MMEL1: variants seen among roughly 807,000 people sequenced by gnomAD.
MMEL1 encodes membrane metallo-endopeptidase-like 1.
MMEL1 carries 98 observed loss-of-function variants against 117.1 expected under a neutral mutation model. That is an observed-to-expected ratio of 0.84 (90% CI 0.71 to 0.99). The LOEUF (loss-of-function observed/expected upper bound fraction) is 0.99. Ranked by LOEUF, MMEL1 falls within the 50% of genes least tolerant of loss-of-function variation. The pLI is 0.00. For missense variants in MMEL1, 1,014 were observed against 1,049.1 expected (o/e 0.97, Z 0.46); for synonymous variants, 390 against 415.1 (o/e 0.94, Z 0.74).
rs752227253 is a variant in MMEL1 at position 2,591,557 on chromosome 1, C to T, written c.2240G>A (p.Arg747Lys). The T allele has an allele frequency of 2.5e-6, 4 of 1,613,518 alleles. No individual in the cohort carries two copies. The highest frequency in any genetic ancestry group is 1.3e-5 in the African/African-American group (1 of 74,830). ...GGGGTTGTGAGCATGGGAGACTTGC[C>T]TGTACTTCAGGGGACTGTGGACGTC... ...KTDVHSPLKY[R>K]VLGSLQNLAA... The change falls in exon 23 of 24, where the codon AGG (arginine) becomes AAG (lysine). Residue 747 changes from arginine (R) to lysine (K), a missense_variant and splice_region_variant. By Grantham distance (26) the Arg-to-Lys change is conservative. Coordinates refer to ENST00000378412, the MANE Select transcript of MMEL1 (RefSeq NM_033467.4).
intron 6 of MMEL1, among the ~76,000 whole-genome samples, chr1:2,608,536 CACAT>C (rs1314932578): frequency 2.4e-5 from 3 of 124,750 alleles, no homozygotes; most frequent in Non-Finnish European, 4.9e-5. Context: ...TACACATACA[CACAT>C]ACACATACAC....
rs1644834035 is a variant in MMEL1 at position 2,596,067 on chromosome 1, T to TCC, written c.1440_1441dup (p.Glu481GlyfsTer23). The TCC allele has an allele frequency of 1.2e-6, 2 of 1,613,896 alleles. No homozygotes were observed. The highest frequency in any genetic ancestry group is 1.7e-6 in the Non-Finnish European group (2 of 1,179,958). ...CATCCAGCCCAGCTCGTCCAGCGTC[T>TCC]CCACAAACACTGTCCGCACCTTGTC... On this transcript the variant is annotated frameshift_variant, in exon 15 of 24. Coordinates refer to ENST00000378412, the MANE Select transcript of MMEL1 (RefSeq NM_033467.4). LOFTEE classifies it high-confidence loss of function.
intron 11 of MMEL1, among the ~76,000 whole-genome samples, chr1:2,602,430 C>T (rs543243144): frequency 1.3e-5 from 2 of 152,024 alleles, no homozygotes; most frequent in African/African-American, 4.8e-5. Context: ...GCCATCTGAG[C>T]TCTCTCACTT....
intron 11 of MMEL1, among the ~76,000 whole-genome samples, chr1:2,601,248 A>G (rs1170318142): frequency 6.6e-6 from 1 of 152,206 alleles, no homozygotes; most frequent in African/African-American, 2.4e-5. Flanking sequence ...TATCACTTGG[A>G]TAGATAAAGA....
chr1:2,604,043 G>T, intron 10 of MMEL1, 70 bp from the exon 11 acceptor site: 1 of 1,588,162 alleles, frequency 6.3e-7, no homozygotes, highest in Non-Finnish European at 8.6e-7. Context: ...CCCAGTCCCT[G>T]CCTGCTACCG....
chr1:2,605,534 G>A (rs1229522612), intron 9 of MMEL1, 24 bp downstream of exon 9: 7 of 1,603,590 alleles, frequency 4.4e-6, no homozygotes, highest in South Asian at 1.1e-5. Flanking sequence ...GGGTCATCTG[G>A]CATTGCGGTG....
At chr1:2,602,375 C>T (rs374198895) in intron 11 of MMEL1, among the ~76,000 whole-genome samples, 7 of 152,174 alleles carry the variant, frequency 4.6e-5, no homozygotes, top group African/African-American at 7.2e-5. Flanking sequence ...GGCTCCTGGA[C>T]GCTCCCCTGA....
At chr1:2,611,136 G>T in intron 4 of MMEL1, 145 bp downstream of exon 4, 2 of 764,130 alleles carry the variant, frequency 2.6e-6, no homozygotes, top group Non-Finnish European at 4.1e-6. Flanking sequence ...CCGCTCCACA[G>T]CGAGTCCGAG....
At chr1:2,611,541 G>A (rs1645129228) in intron 3 of MMEL1, 2 of 520,304 alleles carry the variant, frequency 3.8e-6, no homozygotes, top group East Asian at 3.3e-5. Flanking sequence ...TAGTCTGGTG[G>A]GGGTGGGGTG....
Position 2,596,119 on chromosome 1 carries a change from G to A in MMEL1, c.1402-12C>T, listed in dbSNP as rs1214716776. On this transcript the variant is annotated splice_polypyrimidine_tract_variant and intron_variant, in intron 14 of 23. Coordinates refer to ENST00000378412, the MANE Select transcript of MMEL1 (RefSeq NM_033467.4). ...ATGAGTTCTCTGACCTGGGAATCGG[G>A]CATGGCCCTCGTGTCCCAGACTCAT... 6.2e-7 allele frequency: 1 copy of A among 1,610,906 alleles called. No individual in the cohort carries two copies. The highest frequency in any genetic ancestry group is 1.1e-5 in the South Asian group (1 of 91,006).
At chr1:2,629,236 T>G in intron 2 of MMEL1, 95 bp downstream of exon 2, 2 of 1,347,738 alleles carry the variant, frequency 1.5e-6, no homozygotes, top group Non-Finnish European at 2.0e-6. Context: ...ACGGGCGGGC[T>G]CGGGCTGGGG....
chr1:2,631,878 T>A (rs945353523), intron 1 of MMEL1, among the ~76,000 whole-genome samples: 1 of 151,406 alleles, frequency 6.6e-6, no homozygotes, highest in Non-Finnish European at 1.5e-5. Context: ...ACCAATCACC[T>A]CCCCCTGAGG....
chr1:2,632,598 G>A, intron 1 of MMEL1: 1 of 185,074 alleles, frequency 5.4e-6, no homozygotes, highest in Non-Finnish European at 1.2e-5. Flanking sequence ...TGTCTGCTGA[G>A]GCGAAGGCAC....
intron 13 of MMEL1, among the ~76,000 whole-genome samples, chr1:2,597,048 G>C (rs1644854174): frequency 6.6e-6 from 1 of 152,064 alleles, no homozygotes; most frequent in South Asian, 2.1e-4. Context: ...AGCAAGGCCT[G>C]GGACCACGTC....
intron 2 of MMEL1, among the ~76,000 whole-genome samples, chr1:2,625,987 G>A (rs1047340595): frequency 6.6e-6 from 1 of 152,128 alleles, no homozygotes; most frequent in Admixed American, 6.5e-5. Flanking sequence ...TGATATGAAG[G>A]CACCACCCAC....
At chr1:2,609,002 G>A (rs1296404928) in intron 6 of MMEL1, among the ~76,000 whole-genome samples, 3 of 148,140 alleles carry the variant, frequency 2.0e-5, no homozygotes, top group Non-Finnish European at 4.5e-5. Context: ...TAATATGCAT[G>A]CACATATATA....
At chr1:2,600,571 T>A (rs1329984778) in intron 11 of MMEL1, among the ~76,000 whole-genome samples, 4 of 151,320 alleles carry the variant, frequency 2.6e-5, no homozygotes, top group Non-Finnish European at 4.4e-5. Context: ...TTGGTCATGG[T>A]GTATTCCTGT....
intron 4 of MMEL1, 130 bp from the exon 5 acceptor site, chr1:2,609,961 G>T (rs1344907823): frequency 3.0e-6 from 3 of 1,016,808 alleles, no homozygotes; most frequent in Non-Finnish European, 4.3e-6. Flanking sequence ...TCCAGTCGCA[G>T]CTGTGTGCCC....
At chr1:2,622,014 C>T (rs1645297345) in intron 2 of MMEL1, among the ~76,000 whole-genome samples, 1 of 152,178 alleles carries the variant, frequency 6.6e-6, no homozygotes, top group South Asian at 2.1e-4. Context: ...TAAATCTCTG[C>T]AAATGTTTTA....
Sources: gnomAD v4.1 joint callset for allele counts (sites outside exome capture counted in the v4.1 genomes callset) on GRCh38, gnomAD v4.1.1 for gene constraint, MANE v1.5 for transcripts, NCBI Gene and HGNC (gene_info 2026-07-23, HGNC 2026-07-21) for gene names.